Variants in ALDH4A1 observed in about 807,000 individuals in gnomAD.
ALDH4A1 encodes aldehyde dehydrogenase 4 family member A1.
ALDH4A1 carries 46 observed loss-of-function variants against 70.5 expected under a neutral mutation model. That is an observed-to-expected ratio of 0.65 (90% CI 0.51 to 0.83). The LOEUF (loss-of-function observed/expected upper bound fraction) is 0.83, where lower values mean the gene tolerates loss of function less well. Among genes scored for constraint, ALDH4A1 ranks in the 40% least tolerant of loss-of-function variants. The pLI, the probability that ALDH4A1 is intolerant of heterozygous loss-of-function variation, is 0.00. For synonymous variants in ALDH4A1, 323 were observed against 324.3 expected (o/e 1.00, Z 0.04); for missense variants, 749 against 766.5 (o/e 0.98, Z 0.27).
chr1:18,877,748 A>G (rs1191503627), intron 9 of ALDH4A1, 136 bp from the exon 10 acceptor site: 11 of 1,079,858 alleles, frequency 1.0e-5, no homozygotes, highest in African/African-American at 3.1e-5. Flanking sequence ...GCGGAGGCTC[A>G]GAGTGAGCGC....
intron 5 of ALDH4A1, 46 bp downstream of exon 5, chr1:18,885,427 T>TGCCACCCCCCCCCCCCCCCCCCCC: frequency 4.6e-6 from 3 of 650,922 alleles, no homozygotes; most frequent in Non-Finnish European, 8.2e-6. Flanking sequence ...CACACCTGAC[T>TGCCACCCCCCCCCCCCCCCCCCCC]CCCACCCCAC....
chr1:18,889,235 T>C, intron 3 of ALDH4A1, 127 bp downstream of exon 3: 1 of 824,570 alleles, frequency 1.2e-6, no homozygotes, highest in South Asian at 1.5e-5. Context: ...ATTCAAAATC[T>C]GGGGTGGGGA....
chr1:18,882,910 G>T (rs1191322446), intron 7 of ALDH4A1, among the ~76,000 whole-genome samples: 2 of 152,172 alleles, frequency 1.3e-5, no homozygotes, highest in African/African-American at 2.4e-5. Flanking sequence ...GAAGTTCAGG[G>T]ATTGCCAGGG....
intron 13 of ALDH4A1, among the ~76,000 whole-genome samples, chr1:18,874,782 G>A (rs772454798): frequency 1.1e-4 from 16 of 152,334 alleles, no homozygotes; most frequent in Admixed American, 2.0e-4. Flanking sequence ...TCCTCCTCTG[G>A]GGAGGGGCTT....
chr1:18,877,271 G>C lies in ALDH4A1; in HGVS notation c.1138-16C>G. 1 of 1,600,826 alleles carries C rather than the reference G, an allele frequency of 6.2e-7. No individual in the cohort carries two copies. Among genetic ancestry groups the C allele is most frequent in the Non-Finnish European group, 8.5e-7 (1 of 1,173,196 alleles). On this transcript the variant is annotated splice_polypyrimidine_tract_variant and intron_variant, in intron 10 of 14. Transcript: ENST00000375341. ...CCTCTGCAGGCTGGAGGCAAGGGAG[G>C]CGCCAGAAGAGACGAGTCACTGCAG... is the stretch of plus-strand genomic sequence containing the variant.
Position 18,902,476 on chromosome 1 carries a change from G to A in ALDH4A1, c.48C>T (p.Pro16=), listed in dbSNP as rs1454475227. Residue 16 remains proline, a synonymous_variant, in exon 1 of 15, where the codon CCC becomes CCT. Transcript: ENST00000375341. ...PALRRALLSR[P]WTGAGLRWKH... is the part of the protein sequence containing the mutation. Reference sequence around the variant, plus strand: ...TGCTCACTCACCCGGCCCCGGTCCAGGGGCGGGACAGCAGGGCGCGGCGGA... The same window carrying A: ...TGCTCACTCACCCGGCCCCGGTCCAAGGGCGGGACAGCAGGGCGCGGCGGA... 8.3e-6 allele frequency: 12 copies of A among 1,442,654 alleles called. No individual in the cohort carries two copies. The Admixed American group carries it at 2.7e-4, about 32-fold the overall frequency. The allele number at this position is 1,442,654 out of a possible 1,614,324, so 89.4% of individuals were successfully genotyped here. A position where few individuals can be genotyped will look rare whatever the true frequency, so the allele number is the denominator to read the frequency against.
chr1:18,876,942 AAC>A (rs1413537776), intron 11 of ALDH4A1, among the ~76,000 whole-genome samples: 1 of 152,198 alleles, frequency 6.6e-6, no homozygotes, highest in African/African-American at 2.4e-5. Context: ...CACATTCACA[AAC>A]ACACGTGTAC....
intron 2 of ALDH4A1, 61 bp downstream of exon 2, chr1:18,889,951 G>T: frequency 7.2e-7 from 1 of 1,392,646 alleles, no homozygotes; most frequent in South Asian, 1.2e-5. Flanking sequence ...TCTCAGGGCT[G>T]CTGGGGATGG....
At chr1:18,900,742 T>C in intron 1 of ALDH4A1, 1 of 623,828 alleles carries the variant, frequency 1.6e-6, no homozygotes, top group African/African-American at 2.0e-5. Context: ...ATGCTCTTTC[T>C]CTTTCCCCTC....
intron 1 of ALDH4A1, among the ~76,000 whole-genome samples, chr1:18,900,482 T>A (rs889263302): frequency 6.6e-6 from 1 of 152,238 alleles, no homozygotes; most frequent in African/African-American, 2.4e-5. Context: ...TCTGACAATG[T>A]CTGGGAACTT....
chr1:18,883,498 G>A (rs745741993), intron 5 of ALDH4A1, 70 bp from the exon 6 acceptor site: 21 of 1,601,570 alleles, frequency 1.3e-5, no homozygotes, highest in Admixed American at 3.4e-5. Flanking sequence ...CACATCTGAC[G>A]CTGTGCCCAA....
intron 7 of ALDH4A1, 158 bp downstream of exon 7, chr1:18,882,966 T>C: frequency 1.0e-6 from 1 of 959,072 alleles, no homozygotes; most frequent in East Asian, 2.6e-5. Flanking sequence ...ACTGGGTCTC[T>C]GGTCCCAAAG....
intron 7 of ALDH4A1, chr1:18,882,753 T>C (rs1055966607): frequency 8.6e-6 from 5 of 580,336 alleles, no homozygotes; most frequent in Non-Finnish European, 1.7e-5. Context: ...AGGTCAGCGG[T>C]AATGATCATC....
At chr1:18,890,338 T>C in intron 1 of ALDH4A1, 1 of 504,964 alleles carries the variant, frequency 2.0e-6, no homozygotes, top group East Asian at 3.6e-5. Context: ...GGTCAGGAGT[T>C]CGAGACCAGC....
chr1:18,890,152 C>T, intron 1 of ALDH4A1, 47 bp from the exon 2 acceptor site: 3 of 1,502,780 alleles, frequency 2.0e-6, no homozygotes, highest in Non-Finnish European at 1.8e-6. Context: ...CAGCAGCGGC[C>T]CCACCACCAG....
At chr1:18,900,154 GA>G (rs1935752680) in intron 1 of ALDH4A1, among the ~76,000 whole-genome samples, 1 of 152,126 alleles carries the variant, frequency 6.6e-6, no homozygotes, top group South Asian at 2.1e-4. Flanking sequence ...TAAACTAAAA[GA>G]AAACATGTAT....
At position 18,876,437 on chromosome 1, in the gene ALDH4A1, G is replaced by A. The variant is rs779902740; in HGVS notation, c.1216C>T (p.His406Tyr). ...SFARIKKWLE[H>Y]ARSSPSLTIL... The stretch of plus-strand genomic sequence containing the variant: ...GTGAGGCTGGGTGAGGAGCGTGCGT[G>A]CTCCAGCCACTTCTTGATACGGGCA... The change falls in exon 12 of 15, where the codon CAC (histidine) becomes TAC (tyrosine). Residue 406 changes from histidine to tyrosine, a missense_variant. His to Tyr is a moderately conservative substitution (Grantham distance 83). Transcript: ENST00000375341. The A allele has an allele frequency of 6.9e-6, 11 of 1,603,286 alleles. No homozygotes were observed. Among genetic ancestry groups the A allele is most frequent in the Admixed American group, 1.7e-5 (1 of 58,902 alleles).
intron 9 of ALDH4A1, 57 bp downstream of exon 9, chr1:18,879,243 T>A (rs1934863469): frequency 6.7e-7 from 1 of 1,498,056 alleles, no homozygotes; most frequent in African/African-American, 1.4e-5. Context: ...TCTTTCATAA[T>A]GGCCAGGGGA....
chr1:18,892,548 T>C (rs1440669327), intron 1 of ALDH4A1, among the ~76,000 whole-genome samples: 1 of 141,132 alleles, frequency 7.1e-6, no homozygotes, highest in Non-Finnish European at 1.5e-5. Flanking sequence ...GCATCCCAGG[T>C]AGAAGGAGGC....
Sources: gnomAD v4.1 joint callset for allele counts (sites outside exome capture counted in the v4.1 genomes callset) on GRCh38, gnomAD v4.1.1 for gene constraint, MANE v1.5 for transcripts, NCBI Gene and HGNC (gene_info 2026-07-23, HGNC 2026-07-21) for gene names.